CTNNA2: variants seen among roughly 807,000 people sequenced by gnomAD.
CTNNA2 encodes the protein catenin alpha-2.
In CTNNA2, 42 loss-of-function variants were observed where a neutral mutation model predicts 101.0. The ratio of observed to expected loss-of-function variants is 0.42; its 90% CI spans 0.32 to 0.54. The LOEUF is 0.54. Ranked by LOEUF, CTNNA2 falls within the 20% of genes least tolerant of loss-of-function variation. CTNNA2 has a pLI of 0.14. For synonymous variants in CTNNA2, 450 were observed against 456.4 expected, an observed-to-expected ratio of 0.99 and a Z score of 0.18; for missense variants, 871 against 1,223.1, an observed-to-expected ratio of 0.71 and a Z score of 4.29.
At chr2:79,430,018 T>C (rs1043790107) in intron 4 of CTNNA2, among the ~76,000 whole-genome samples, 1 of 152,082 alleles carries the variant, frequency 6.6e-6, no homozygotes, top group African/African-American at 2.4e-5. Flanking sequence ...ACAACAAATA[T>C]GAGAGGTAAA....
At chr2:79,940,456 C>T (rs1574365363) in intron 7 of CTNNA2, among the ~76,000 whole-genome samples, 1 of 152,162 alleles carries the variant, frequency 6.6e-6, no homozygotes, top group Admixed American at 6.6e-5. Flanking sequence ...CTCATTGCTG[C>T]TATTATAAAT....
chr2:80,097,460 T>C (rs970315794), intron 7 of CTNNA2, among the ~76,000 whole-genome samples: 1 of 152,310 alleles, frequency 6.6e-6, no homozygotes, highest in East Asian at 1.9e-4. Flanking sequence ...ATTTCAACTT[T>C]GGTGAATCTG....
At chr2:79,749,933 G>C (rs1238737186) in intron 3 of CTNNA2, among the ~76,000 whole-genome samples, 2 of 152,170 alleles carry the variant, frequency 1.3e-5, no homozygotes, top group Non-Finnish European at 2.9e-5. Context: ...TAGTGAGCAA[G>C]TCCCGGCCTT....
chr2:80,039,075 T>G (rs777841899), intron 7 of CTNNA2, among the ~76,000 whole-genome samples: 1 of 152,140 alleles, frequency 6.6e-6, no homozygotes. Flanking sequence ...AGATGCTTTC[T>G]TGGGCATTTT....
intron 2 of CTNNA2, among the ~76,000 whole-genome samples, chr2:79,212,485 G>A (rs965000867): frequency 6.6e-6 from 1 of 152,166 alleles, no homozygotes; most frequent in Non-Finnish European, 1.5e-5. Flanking sequence ...TGGTGGCTGA[G>A]CTTGGTGAGG....
chr2:80,087,214 C>A (rs1047981333), intron 7 of CTNNA2, among the ~76,000 whole-genome samples: 37 of 152,084 alleles, frequency 2.4e-4, no homozygotes, highest in African/African-American at 8.7e-4. Context: ...AGGGTGTAGA[C>A]AGTTGTGTCA....
chr2:79,376,449 T>TG (rs1553406730), intron 4 of CTNNA2, among the ~76,000 whole-genome samples: 25 of 64,840 alleles, frequency 3.9e-4, no homozygotes, highest in African/African-American at 1.1e-3. Context: ...CCTTGTTGGT[T>TG]GGTTTTGTTT....
rs553613510 is a variant in CTNNA2, at chr2:80,424,168, C to A, written c.1290+4567C>A. ...ACGGGGTTTCACTATGTTGGCCAGG[C>A]TGGTCTCAAACTCCTGACTTTGTGA... On this transcript the variant is annotated intron_variant, in intron 9 of 18. Transcript: ENST00000402739. Among the ~76,000 whole-genome samples, 54 of 152,248 alleles carry A rather than the reference C, an allele frequency of 3.5e-4. 1 individual carries two copies. The highest frequency in any genetic ancestry group is 1.6e-3 in the East Asian group (8 of 5,160).
chr2:79,801,241 A>G (rs1191416598), intron 3 of CTNNA2, among the ~76,000 whole-genome samples: 1 of 152,134 alleles, frequency 6.6e-6, no homozygotes, highest in East Asian at 1.9e-4. Context: ...CCAGCTTCCC[A>G]CAGATGGAAC....
chr2:79,255,858 A>G (rs1204202202), intron 2 of CTNNA2, among the ~76,000 whole-genome samples: 1 of 152,170 alleles, frequency 6.6e-6, no homozygotes, highest in African/African-American at 2.4e-5. Context: ...TCCACATTCT[A>G]CTAAGGGTTT....
rs948503810 is a variant in CTNNA2 at position 80,379,675 on chromosome 2, T to C, written c.1057-13536T>C. Among the ~76,000 whole-genome samples, 5 of 152,168 alleles carry C rather than the reference T, an allele frequency of 3.3e-5. No individual in the cohort carries two copies. The East Asian group carries it at 9.6e-4, about 29-fold the overall frequency. On this transcript the variant is annotated intron_variant, in intron 7 of 18. Coordinates refer to ENST00000402739, the MANE Select transcript of CTNNA2 (RefSeq NM_001282597.3). ...GATTCCTAGGCCACAATTGGAGAGA[T>C]TGATTAATCAAATGATTTGTTGGTT...
chr2:80,074,442 C>A (rs1293849283), intron 7 of CTNNA2, among the ~76,000 whole-genome samples: 1 of 152,142 alleles, frequency 6.6e-6, no homozygotes, highest in African/African-American at 2.4e-5. Flanking sequence ...ATCTGAAGTT[C>A]ATTTGCAAGA....
rs59521287 is a variant in CTNNA2 at position 80,117,455 on chromosome 2, AGTGT to A, written c.1056+207687_1056+207690del. 9.6e-5 allele frequency among the ~76,000 whole-genome samples: 14 copies of A among 145,880 alleles called. 1 individual carries two copies. The highest frequency in any genetic ancestry group is 2.2e-4 in the South Asian group (1 of 4,544). On this transcript the variant is annotated intron_variant, in intron 7 of 18. Coordinates refer to ENST00000402739, the MANE Select transcript of CTNNA2 (RefSeq NM_001282597.3). ...ATTCAGCATAGATGGTTCCTGTGTG[AGTGT>A]GTGTGTGTGTGTGTGTGTGTGTGTG...
chr2:79,744,270 G>T, intron 2 of CTNNA2, 117 bp from the exon 3 acceptor site: 1 of 985,702 alleles, frequency 1.0e-6, no homozygotes, highest in South Asian at 1.9e-5. Context: ...GTGCATTCAT[G>T]ATTTAGTATT....
chr2:79,212,295 G>A lies in CTNNA2; in HGVS notation c.-406+14219G>A, dbSNP rs372050567. 3.3e-5 allele frequency among the ~76,000 whole-genome samples: 5 copies of A among 152,236 alleles called. No homozygotes were observed. The South Asian group carries it at 6.2e-4, about 19-fold the overall frequency. ...AGTATGACTAGACAGAAGATAGTAG[G>A]GATGACAAGTTTTTTGGGGCACAGT... On this transcript the variant is annotated intron_variant, in intron 2 of 21. Coordinates refer to the CTNNA2 transcript ENST00000466387.
At position 79,522,763 on chromosome 2, in the gene CTNNA2, T is replaced by C. The variant is rs181922623; in HGVS notation, c.-6+9556T>C. 3.9e-5 allele frequency among the ~76,000 whole-genome samples: 6 copies of C among 152,212 alleles called. No homozygotes were observed. In the East Asian group the frequency reaches 9.7e-4, roughly 25 times the overall value. On this transcript the variant is annotated intron_variant, in intron 1 of 18. Transcript: ENST00000402739. ...AACTACTCGGTAGGTAGCTGAAAAG[T>C]GAGACTAGAGTGAAGGGGAGAGGCT...
chr2:80,075,914 C>T (rs1698717891), intron 7 of CTNNA2, among the ~76,000 whole-genome samples: 1 of 151,456 alleles, frequency 6.6e-6, no homozygotes, highest in Admixed American at 6.6e-5. Context: ...TTACTCATCA[C>T]TAGTTACAAG....
At chr2:79,484,367 G>A (rs2104558787) in intron 4 of CTNNA2, among the ~76,000 whole-genome samples, 1 of 152,184 alleles carries the variant, frequency 6.6e-6, no homozygotes, top group Non-Finnish European at 1.5e-5. Flanking sequence ...CCTTTTTGCT[G>A]AACTTCCTTG....
chr2:79,501,138 T>TGG (rs1671314612), intron 4 of CTNNA2, among the ~76,000 whole-genome samples: 1 of 152,196 alleles, frequency 6.6e-6, no homozygotes, highest in African/African-American at 2.4e-5. Context: ...ATGTGATTCT[T>TGG]GGGTTAGGTA....
Sources: allele counts gnomAD v4.1 joint callset (sites outside exome capture counted in the v4.1 genomes callset), GRCh38; gene constraint gnomAD v4.1.1; transcripts MANE v1.5; gene names NCBI Gene and HGNC (gene_info 2026-07-23, HGNC 2026-07-21).